Variants in PGCKA1 observed in about 807,000 individuals in gnomAD.
PGCKA1 encodes the protein PDCD10 and GCKIII kinases associated 1, also known as PDCD10 and GCKIII kinases-associated protein 1.
At chr4:37,502,520 G>A in the PGCKA1 span, among the ~76,000 whole-genome samples, 1 of 152,160 alleles carries the variant, frequency 6.6e-6, no homozygotes, top group Non-Finnish European at 1.5e-5. Flanking sequence ...GGGTGCTGGT[G>A]GGGGTGGCAG....
chr4:37,528,385 A>G, the PGCKA1 span, among the ~76,000 whole-genome samples: 1 of 152,156 alleles, frequency 6.6e-6, no homozygotes, highest in Admixed American at 6.5e-5. Flanking sequence ...CTGCAGCCGC[A>G]TCTCACCCAA....
chr4:37,482,217 C>A, the PGCKA1 span, among the ~76,000 whole-genome samples: 3 of 152,182 alleles, frequency 2.0e-5, no homozygotes, highest in Non-Finnish European at 4.4e-5. Context: ...GGGTAACAGG[C>A]AGACGTTGGA....
At chr4:37,509,440 T>C in the PGCKA1 span, among the ~76,000 whole-genome samples, 6 of 131,860 alleles carry the variant, frequency 4.6e-5, 1 homozygote, top group African/African-American at 1.8e-4. Context: ...TCTCAGACAA[T>C]GGGCGGCTGG....
the PGCKA1 span, among the ~76,000 whole-genome samples, chr4:37,575,613 T>C: frequency 6.6e-6 from 1 of 152,058 alleles, no homozygotes; most frequent in Non-Finnish European, 1.5e-5. Flanking sequence ...GATGTGATCT[T>C]TGTTGTCCAT....
At chr4:37,479,905 A>G in the PGCKA1 span, among the ~76,000 whole-genome samples, 1 of 152,260 alleles carries the variant, frequency 6.6e-6, no homozygotes, top group Non-Finnish European at 1.5e-5. Flanking sequence ...CAGATCAGTC[A>G]GAAAGGTTTT....
chr4:37,579,010 A>G, the PGCKA1 span, among the ~76,000 whole-genome samples: 2 of 152,198 alleles, frequency 1.3e-5, no homozygotes, highest in African/African-American at 4.8e-5. Context: ...GTGAGCCGAG[A>G]TTGCGCCATT....
chr4:37,593,323 G>A, the PGCKA1 span, among the ~76,000 whole-genome samples: 1 of 152,058 alleles, frequency 6.6e-6, no homozygotes, highest in Non-Finnish European at 1.5e-5. Flanking sequence ...ATGTATCACT[G>A]GCCCGTGTAT....
chr4:37,528,744 G>A, the PGCKA1 span, among the ~76,000 whole-genome samples: 1 of 152,202 alleles, frequency 6.6e-6, no homozygotes, highest in Non-Finnish European at 1.5e-5. Context: ...AAGGGTTAAA[G>A]TAGGAAGACT....
chr4:37,509,946 GACCGTGGAGAGAGAGGGA>G, the PGCKA1 span, among the ~76,000 whole-genome samples: 1 of 133,514 alleles, frequency 7.5e-6, no homozygotes, highest in Non-Finnish European at 1.8e-5. Context: ...ATCAGAGGGA[GACCGTGGAGAGAGAGGGA>G]GCGGGAGACC....
chr4:37,571,164 C>T, the PGCKA1 span, among the ~76,000 whole-genome samples: 1 of 152,006 alleles, frequency 6.6e-6, no homozygotes, highest in African/African-American at 2.4e-5. Context: ...CAACAAGCAC[C>T]AAAGTCCCCC....
the PGCKA1 span, among the ~76,000 whole-genome samples, chr4:37,547,399 G>A: frequency 1.3e-5 from 2 of 152,194 alleles, no homozygotes; most frequent in African/African-American, 4.8e-5. Context: ...TGTGCATGTG[G>A]TGTGAGTGTG....
the PGCKA1 span, among the ~76,000 whole-genome samples, chr4:37,523,280 G>C: frequency 6.6e-6 from 1 of 152,134 alleles, no homozygotes; most frequent in African/African-American, 2.4e-5. Context: ...TGAGTTCAGT[G>C]ACTCACAGTT....
the PGCKA1 span, among the ~76,000 whole-genome samples, chr4:37,485,893 T>A: frequency 6.6e-6 from 1 of 152,174 alleles, no homozygotes; most frequent in Non-Finnish European, 1.5e-5. Context: ...CAGATTTCCC[T>A]GAACTTGGTA....
the PGCKA1 span, among the ~76,000 whole-genome samples, chr4:37,481,902 G>A: frequency 6.6e-6 from 1 of 152,126 alleles, no homozygotes; most frequent in Admixed American, 6.5e-5. Context: ...ATAATAGTGA[G>A]TAAGTTCTCA....
chr4:37,513,753 T>TA, the PGCKA1 span, among the ~76,000 whole-genome samples: 1 of 152,202 alleles, frequency 6.6e-6, no homozygotes, highest in African/African-American at 2.4e-5. Flanking sequence ...ACAGTTTTGA[T>TA]ATAATGGTAG....
chr4:37,557,473 C>T, the PGCKA1 span, among the ~76,000 whole-genome samples: 1 of 152,182 alleles, frequency 6.6e-6, no homozygotes, highest in Non-Finnish European at 1.5e-5. Context: ...ATCAAGGTGC[C>T]AGCAGATTTG....
chr4:37,544,218 C>G, the PGCKA1 span, among the ~76,000 whole-genome samples: 1 of 152,110 alleles, frequency 6.6e-6, no homozygotes. Context: ...ATGCCCAGCT[C>G]TTTGTATATC....
chr4:37,563,905 G>A, the PGCKA1 span, among the ~76,000 whole-genome samples: 1 of 152,194 alleles, frequency 6.6e-6, no homozygotes, highest in African/African-American at 2.4e-5. Context: ...TTCCCATGTG[G>A]TTCCAGGGAA....
At chr4:37,572,063 C>CTTTTTCTT in the PGCKA1 span, among the ~76,000 whole-genome samples, 17 of 89,994 alleles carry the variant, frequency 1.9e-4, no homozygotes, top group South Asian at 4.0e-3. Flanking sequence ...TTTTTTTTTT[C>CTTTTTCTT]TTTTTTTTTT....
Sources: allele counts gnomAD v4.1 joint callset (sites outside exome capture counted in the v4.1 genomes callset), GRCh38; gene constraint gnomAD v4.1.1; transcripts MANE v1.5; gene names NCBI Gene and HGNC (gene_info 2026-07-23, HGNC 2026-07-21).